The following KCNAB1 variants were observed in gnomAD, a reference collection of about 807,000 sequenced individuals.
The protein encoded by KCNAB1 is voltage-gated potassium channel subunit beta-1.
In KCNAB1, 35 loss-of-function variants were observed where a neutral mutation model predicts 64.6. The observed-to-expected ratio is 0.54, with a 90% CI of 0.41 to 0.72. KCNAB1 has a LOEUF of 0.72. Ranked by LOEUF, KCNAB1 falls within the 30% of genes least tolerant of loss-of-function variation. The pLI is 0.00. For missense variants in KCNAB1, 401 were observed against 512.9 expected (o/e 0.78, Z 2.11); for synonymous variants, 177 against 183.8 (o/e 0.96, Z 0.30).
chr3:156,286,482 A>G (rs1187702681), intron 1 of KCNAB1, among the ~76,000 whole-genome samples: 1 of 152,248 alleles, frequency 6.6e-6, no homozygotes, highest in Non-Finnish European at 1.5e-5. Context: ...TGTGGTTTCC[A>G]ATGGAATATA....
At chr3:156,283,388 T>C (rs1719870184) in intron 1 of KCNAB1, among the ~76,000 whole-genome samples, 1 of 150,812 alleles carries the variant, frequency 6.6e-6, no homozygotes, top group African/African-American at 2.5e-5. Context: ...TCTCTCTGGC[T>C]GCCCTTAACA....
chr3:156,143,569 G>GTTTTTTTTTTTTTTTTTTTTTTTTTT (rs56216211), intron 1 of KCNAB1: 6 of 281,598 alleles, frequency 2.1e-5, no homozygotes, highest in African/African-American at 1.2e-4. Flanking sequence ...TTGCATTCTT[G>GTTTTTTTTTTTTTTTTTTTTTTTTTT]TTTTTTTTTT....
intron 1 of KCNAB1, among the ~76,000 whole-genome samples, chr3:156,265,292 C>T (rs532628815): frequency 6.6e-6 from 1 of 152,274 alleles, no homozygotes; most frequent in Non-Finnish European, 1.5e-5. Flanking sequence ...TTGCTATTTT[C>T]TCCACAACTT....
intron 1 of KCNAB1, among the ~76,000 whole-genome samples, chr3:156,326,837 C>A (rs886164723): frequency 1.3e-5 from 2 of 152,140 alleles, no homozygotes; most frequent in African/African-American, 2.4e-5. Context: ...TATCTCCTCA[C>A]CCCATTTATT....
At chr3:156,429,151 T>A (rs528563125) in intron 2 of KCNAB1, among the ~76,000 whole-genome samples, 8 of 152,224 alleles carry the variant, frequency 5.3e-5, no homozygotes, top group Admixed American at 2.6e-4. Flanking sequence ...CATGTGTTTT[T>A]CAAATGCTGC....
intron 13 of KCNAB1, 146 bp from the exon 14 acceptor site, chr3:156,536,512 G>A: frequency 1.5e-6 from 1 of 650,474 alleles, no homozygotes. Flanking sequence ...CTTACAATGT[G>A]ATGGTGTTGG....
intron 1 of KCNAB1, among the ~76,000 whole-genome samples, chr3:156,139,594 T>TTG (rs1319464172): frequency 6.9e-6 from 1 of 145,690 alleles, no homozygotes; most frequent in East Asian, 2.0e-4. Context: ...GTTTTTTTTT[T>TTG]TTTTTTTTTT....
chr3:156,162,689 C>A (rs1319968922), intron 1 of KCNAB1, among the ~76,000 whole-genome samples: 3 of 152,150 alleles, frequency 2.0e-5, no homozygotes, highest in African/African-American at 7.2e-5. Flanking sequence ...AGCATCATGA[C>A]ATCTTCAGTA....
At chr3:156,193,875 A>G (rs1170112923) in intron 1 of KCNAB1, among the ~76,000 whole-genome samples, 4 of 152,182 alleles carry the variant, frequency 2.6e-5, no homozygotes, top group Non-Finnish European at 4.4e-5. Context: ...ATGCATTTTC[A>G]ACCTATGATA....
At chr3:156,223,635 TAGACATAAAGG>T (rs1715938894) in intron 1 of KCNAB1, among the ~76,000 whole-genome samples, 2 of 152,136 alleles carry the variant, frequency 1.3e-5, no homozygotes, top group African/African-American at 4.8e-5. Flanking sequence ...ATCCCTTAGC[TAGACATAAAGG>T]TTCTCCAAGT....
chr3:156,421,506 C>G, intron 1 of KCNAB1, 110 bp from the exon 2 acceptor site: 1 of 1,038,916 alleles, frequency 9.6e-7, no homozygotes, highest in South Asian at 1.5e-5. Context: ...GGTTCTGCCT[C>G]TATCAGGACT....
At chr3:156,408,938 A>G (rs1435844130) in intron 1 of KCNAB1, among the ~76,000 whole-genome samples, 1 of 152,238 alleles carries the variant, frequency 6.6e-6, no homozygotes, top group Non-Finnish European at 1.5e-5. Context: ...ATAGATGCTA[A>G]CATTCTAATT....
chr3:156,288,343 G>T (rs549139377), intron 1 of KCNAB1, among the ~76,000 whole-genome samples: 1 of 152,336 alleles, frequency 6.6e-6, no homozygotes, highest in South Asian at 2.1e-4. Context: ...GCACAAGCCA[G>T]TTGAAAACAA....
intron 1 of KCNAB1, among the ~76,000 whole-genome samples, chr3:156,246,100 G>A (rs144614905): frequency 1.2e-3 from 176 of 152,294 alleles, no homozygotes; most frequent in African/African-American, 3.8e-3. Flanking sequence ...ATAGAGAGGC[G>A]ATGGAGATCT....
chr3:156,372,948 T>A (rs1321551434), intron 1 of KCNAB1, among the ~76,000 whole-genome samples: 1 of 152,250 alleles, frequency 6.6e-6, no homozygotes, highest in Non-Finnish European at 1.5e-5. Context: ...ATTGGAGGAC[T>A]GGCAGAGGCA....
intron 1 of KCNAB1, among the ~76,000 whole-genome samples, chr3:156,269,280 A>G (rs1432505505): frequency 2.0e-5 from 3 of 152,090 alleles, no homozygotes; most frequent in African/African-American, 7.2e-5. Flanking sequence ...TTTAATTTCC[A>G]TGTGTTTGTA....
intron 1 of KCNAB1, among the ~76,000 whole-genome samples, chr3:156,160,629 A>G (rs1716020868): frequency 2.6e-5 from 4 of 152,218 alleles, no homozygotes. Flanking sequence ...CAAAAAAGGT[A>G]TTTCTGGAAG....
intron 1 of KCNAB1, among the ~76,000 whole-genome samples, chr3:156,296,476 CTTTT>C (rs776717744): frequency 9.0e-6 from 1 of 111,070 alleles, no homozygotes; most frequent in African/African-American, 3.1e-5. Context: ...CCCCCCCCAC[CTTTT>C]TTTTTTTTTT....
At chr3:156,465,903 C>G (rs1313521234) in intron 7 of KCNAB1, among the ~76,000 whole-genome samples, 1 of 152,092 alleles carries the variant, frequency 6.6e-6, no homozygotes, top group African/African-American at 2.4e-5. Context: ...GTATAGAACT[C>G]TTCTCATTTT....
Sources: gnomAD v4.1 joint callset for allele counts (sites outside exome capture counted in the v4.1 genomes callset) on GRCh38, gnomAD v4.1.1 for gene constraint, MANE v1.5 for transcripts, NCBI Gene and HGNC (gene_info 2026-07-23, HGNC 2026-07-21) for gene names.